PTPN12: variants seen among roughly 807,000 people sequenced by gnomAD.
PTPN12 encodes the protein tyrosine-protein phosphatase non-receptor type 12.
A neutral mutation model predicts 97.6 loss-of-function variants in PTPN12; 29 were observed. The observed-to-expected ratio is 0.30, with a 90% CI of 0.22 to 0.41. The LOEUF (loss-of-function observed/expected upper bound fraction) is 0.41. PTPN12 is among the 10% of genes least tolerant of loss of function. The pLI is 1.00. For synonymous variants in PTPN12, 327 were observed against 300.4 expected (o/e 1.09, Z -0.91); for missense variants, 819 against 926.0 (o/e 0.88, Z 1.50).
rs1554326598 is a variant in PTPN12 at position 77,625,472 on chromosome 7, G to GCTTGCGCTCTCTCTCT, written c.1026-1231_1026-1230insTGCGCTCTCTCTCTCT. Reference sequence around the variant, plus strand: ...TTTTGCCATATTGCCCAGGCTGCTCGCTCTCTCTCTCTCTCTCTCTCTCTC... The same window carrying GCTTGCGCTCTCTCTCT: ...TTTTGCCATATTGCCCAGGCTGCTCGCTTGCGCTCTCTCTCTCTCTCTCTCTCTCTCTCTCTCTCTC... On this transcript the variant is annotated intron_variant, in intron 12 of 17. Coordinates refer to ENST00000248594, the MANE Select transcript of PTPN12 (RefSeq NM_002835.4). 2.1e-4 allele frequency among the ~76,000 whole-genome samples: 7 copies of GCTTGCGCTCTCTCTCT among 33,528 alleles called. 1 individual carries two copies. Among genetic ancestry groups the GCTTGCGCTCTCTCTCT allele is most frequent in the African/African-American group, 9.3e-4 (7 of 7,528 alleles). The allele number at this position is 33,528 out of a possible 152,430, so 22.0% of individuals were successfully genotyped here. A position where few individuals can be genotyped will look rare whatever the true frequency, so the allele number is the denominator to read the frequency against.
intron 6 of PTPN12, among the ~76,000 whole-genome samples, chr7:77,595,235 A>T (rs931080235): frequency 3.9e-5 from 6 of 152,222 alleles, no homozygotes; most frequent in Non-Finnish European, 7.3e-5. Context: ...TGTTTGTCTT[A>T]TAATTGGTTC....
intron 8 of PTPN12, among the ~76,000 whole-genome samples, chr7:77,605,337 G>T (rs1281345799): frequency 6.9e-6 from 1 of 145,764 alleles, no homozygotes. Context: ...TACTCATAGT[G>T]ATTTTCAATT....
chr7:77,605,024 T>C (rs577433638), intron 8 of PTPN12: 1 of 183,580 alleles, frequency 5.4e-6, no homozygotes, highest in Admixed American at 6.0e-5. Context: ...TGTTATACTT[T>C]TAACTATCAA....
rs1191678442 is a variant in PTPN12 at position 77,635,808 on chromosome 7, G to A, written c.2101G>A (p.Glu701Lys). 2 of 1,607,478 alleles carry A rather than the reference G, an allele frequency of 1.2e-6. No individual in the cohort carries two copies. Among genetic ancestry groups the A allele is most frequent in the South Asian group, 2.2e-5 (2 of 89,582 alleles). Residue 701 changes from glutamate (E) to lysine (K), a missense_variant, in exon 15 of 18, where the codon GAA becomes AAA. Transcript: ENST00000248594. ...HNTPVRSEWS[E>K]LQSQERSEQK... ...TACACCTGTAAGATCGGAATGGAGT[G>A]AACTTCAAAGTCAGGAACGATCTGA...
chr7:77,571,746 G>C (rs1447057760), intron 2 of PTPN12, among the ~76,000 whole-genome samples: 1 of 151,612 alleles, frequency 6.6e-6, no homozygotes, highest in Non-Finnish European at 1.5e-5. Context: ...TTTAGAGGTG[G>C]GGGTTCTCAC....
intron 9 of PTPN12, among the ~76,000 whole-genome samples, chr7:77,609,857 G>A (rs539579164): frequency 1.3e-5 from 2 of 151,328 alleles, no homozygotes; most frequent in South Asian, 2.1e-4. Flanking sequence ...CTCCAGCCTG[G>A]GCGACAGAGC....
intron 1 of PTPN12, among the ~76,000 whole-genome samples, chr7:77,566,405 A>G (rs1808257702): frequency 1.3e-5 from 2 of 152,084 alleles, no homozygotes; most frequent in Non-Finnish European, 2.9e-5. Context: ...TATTTTTGGA[A>G]TTCATTTATG....
At chr7:77,568,246 T>C (rs1297906833) in intron 1 of PTPN12, among the ~76,000 whole-genome samples, 3 of 152,208 alleles carry the variant, frequency 2.0e-5, no homozygotes, top group Non-Finnish European at 2.9e-5. Context: ...GACGCAAAAG[T>C]TCTCAAGGTT....
intron 1 of PTPN12, among the ~76,000 whole-genome samples, chr7:77,569,978 C>CA (rs1808407025): frequency 6.6e-6 from 1 of 152,102 alleles, no homozygotes; most frequent in Admixed American, 6.6e-5. Context: ...GCTCGGCCCC[C>CA]ACTTGCTTTT....
intron 1 of PTPN12, among the ~76,000 whole-genome samples, chr7:77,552,713 T>G (rs1288567987): frequency 2.0e-5 from 3 of 152,158 alleles, no homozygotes; most frequent in Non-Finnish European, 4.4e-5. Flanking sequence ...GTAACATATC[T>G]TTGTTAGGAA....
chr7:77,561,068 C>T (rs1307996440), intron 1 of PTPN12, among the ~76,000 whole-genome samples: 1 of 152,062 alleles, frequency 6.6e-6, no homozygotes, highest in Non-Finnish European at 1.5e-5. Context: ...GTTATTCTGG[C>T]TTGTTTTGTT....
chr7:77,537,657 C>G lies in PTPN12; in HGVS notation c.99+12C>G. ...CCCGGGACTTCATGGTGAGTCTCTC[C>G]CCTCGCTGTCGCGTTTTCTTGCCGG... On this transcript the variant is annotated intron_variant, in intron 1 of 17. Coordinates refer to ENST00000248594, the MANE Select transcript of PTPN12 (RefSeq NM_002835.4). 2 of 1,580,714 alleles carry G rather than the reference C, an allele frequency of 1.3e-6. No individual in the cohort carries two copies. The highest frequency in any genetic ancestry group is 1.7e-6 in the Non-Finnish European group (2 of 1,165,154).
chr7:77,626,520 G>A (rs1789185500), intron 12 of PTPN12, among the ~76,000 whole-genome samples, 185 bp from the exon 13 acceptor site: 1 of 152,098 alleles, frequency 6.6e-6, no homozygotes, highest in Non-Finnish European at 1.5e-5. Flanking sequence ...TCTTGTATTT[G>A]ACTTTTTAAA....
In PTPN12 at chr7:77,549,277, A is replaced by G. The variant is rs559979386; in HGVS notation, c.99+11632A>G. Among the ~76,000 whole-genome samples, 8 of 152,242 alleles carry G rather than the reference A, an allele frequency of 5.3e-5. No individual in the cohort carries two copies. In the South Asian group the frequency reaches 1.2e-3, roughly 24 times the overall value. On this transcript the variant is annotated intron_variant, in intron 1 of 17. Coordinates refer to ENST00000248594, the MANE Select transcript of PTPN12 (RefSeq NM_002835.4). ...TTGAAGCAAAATTGAAAAAAAATTT[A>G]CTATTTTAAGGTTTCAGCTCCATAT...
At chr7:77,564,004 A>G (rs1034854140) in intron 1 of PTPN12, 2 of 389,114 alleles carry the variant, frequency 5.1e-6, no homozygotes, top group South Asian at 1.8e-5. Flanking sequence ...CAGCCTCCTG[A>G]GTAGCTGGGA....
chr7:77,542,206 T>C (rs866370617), intron 1 of PTPN12, among the ~76,000 whole-genome samples: 1 of 152,226 alleles, frequency 6.6e-6, no homozygotes. Context: ...ATAGCAATTC[T>C]GGACAGTCTG....
chr7:77,592,210 T>C lies in PTPN12; in HGVS notation c.446T>C (p.Leu149Ser). 1 of 1,605,900 alleles carries C rather than the reference T, an allele frequency of 6.2e-7. No individual in the cohort carries two copies. The highest frequency in any genetic ancestry group is 1.1e-5 in the South Asian group (1 of 88,458). Reference protein sequence around the residue: ...GRKKCERYWPLYGEDPITFAP... With the variant: ...GRKKCERYWPSYGEDPITFAP... ...AAAAAATGTGAGCGCTATTGGCCTT[T>C]GTATGGAGAAGACCCCATAACGTTT... Residue 149 changes from leucine to serine, a missense_variant, in exon 6 of 18, where the codon TTG becomes TCG. By Grantham distance (145) the Leu-to-Ser change is moderately radical. Coordinates refer to ENST00000248594, the MANE Select transcript of PTPN12 (RefSeq NM_002835.4).
At chr7:77,573,507 C>T (rs1241444408) in intron 2 of PTPN12, among the ~76,000 whole-genome samples, 3 of 152,282 alleles carry the variant, frequency 2.0e-5, no homozygotes, top group Admixed American at 2.0e-4. Context: ...AAGGCCCTAC[C>T]ACTTAATACT....
chr7:77,601,949 A>G (rs570784500), intron 8 of PTPN12, among the ~76,000 whole-genome samples: 44 of 152,330 alleles, frequency 2.9e-4, no homozygotes, highest in African/African-American at 1.0e-3. Flanking sequence ...ATAAAATTCA[A>G]TGATTACTGA....
Sources: allele counts gnomAD v4.1 joint callset (sites outside exome capture counted in the v4.1 genomes callset), GRCh38; gene constraint gnomAD v4.1.1; transcripts MANE v1.5; gene names NCBI Gene and HGNC (gene_info 2026-07-23, HGNC 2026-07-21).